The following PPOX variants were observed in gnomAD, a reference collection of about 807,000 sequenced individuals.
PPOX encodes the protein variegate porphyria.
Under a neutral mutation model 54.1 loss-of-function variants are expected in PPOX, and 23 were observed. The observed-to-expected ratio is 0.43, with a 90% CI of 0.31 to 0.60. The LOEUF (loss-of-function observed/expected upper bound fraction) is 0.60. Among genes scored for constraint, PPOX ranks in the 20% least tolerant of loss-of-function variants. The pLI is 0.13. For missense variants in PPOX, 512 were observed against 601.1 expected (o/e 0.85, Z 1.55); for synonymous variants, 224 against 236.1 (o/e 0.95, Z 0.47).
downstream of PPOX, chr1:161,172,359 G>T: frequency 6.3e-7 from 1 of 1,594,782 alleles, no homozygotes; most frequent in Non-Finnish European, 8.6e-7. Flanking sequence ...GTATCATGGG[G>T]GATCCAGAGT....
At chr1:161,176,837 GT>G in intron 4 of PPOX, 2 of 1,533,956 alleles carry the variant, frequency 1.3e-6, no homozygotes, top group Non-Finnish European at 1.7e-6. Context: ...TGGAAACATT[GT>G]TTTCCCCCAG....
At chr1:161,177,008 G>A in exon 5 of PPOX, 1 of 1,535,964 alleles carries the variant, frequency 6.5e-7, no homozygotes, top group East Asian at 2.4e-5. Flanking sequence ...GGCTGTAAGC[G>A]AACAGCCCCG....
intron 2 of PPOX, 64 bp from the exon 3 acceptor site, chr1:161,167,036 C>G: frequency 6.2e-7 from 1 of 1,613,574 alleles, no homozygotes; most frequent in Non-Finnish European, 8.5e-7. Flanking sequence ...CTCTTCCCCT[C>G]CCCTCCTGAC....
At chr1:161,176,751 T>C (rs1479647617) in intron 4 of PPOX, 2 of 924,364 alleles carry the variant, frequency 2.2e-6, no homozygotes, top group Non-Finnish European at 3.3e-6. Context: ...GAATGATAAG[T>C]GTCAGGTTCA....
chr1:161,168,102 T>C lies in PPOX; in HGVS notation c.446T>C (p.Phe149Ser). The change falls in exon 5 of 13, where the codon TTT becomes TCT. Residue 149 changes from phenylalanine to serine, a missense_variant. Physicochemically the swap from Phe to Ser is radical, Grantham distance 155. Transcript: ENST00000367999. ...GKEPDETVHS[F>S]AQRRLGPEVA... ...GAGCCTGATGAGACTGTGCACAGTT[T>C]TGCCCAGCGCCGCCTTGGACCTGAG... The C allele has an allele frequency of 6.2e-7, 1 of 1,614,140 alleles. No individual in the cohort carries two copies. Among genetic ancestry groups the C allele is most frequent in the Non-Finnish European group, 8.5e-7 (1 of 1,180,010 alleles).
upstream of PPOX, chr1:161,166,031 G>T: frequency 1.1e-6 from 1 of 949,210 alleles, no homozygotes; most frequent in Non-Finnish European, 1.3e-6. Flanking sequence ...CCTAGCTCCC[G>T]TAGGCCCGGT....
chr1:161,168,556 T>C lies in PPOX; in HGVS notation c.596T>C (p.Leu199Pro). 6.2e-7 allele frequency: 1 copy of C among 1,614,022 alleles called. No homozygotes were observed. Among genetic ancestry groups the C allele is most frequent in the Non-Finnish European group, 8.5e-7 (1 of 1,180,030 alleles). Residue 199 changes from leucine (L) to proline (P), a missense_variant, in exon 6 of 13, where the codon CTG (leucine) becomes CCG (proline). Physicochemically the swap from Leu to Pro is moderately conservative, Grantham distance 98. Coordinates refer to ENST00000367999, the MANE Select transcript of PPOX (RefSeq NM_001122764.3). ...GAGCAAACCCATCGTTCCATATTACTGGGCCTGCTGCTGGGGGCAGGTGAG... is the reference window on the plus strand; with the variant it reads ...GAGCAAACCCATCGTTCCATATTACCGGGCCTGCTGCTGGGGGCAGGTGAG... ...QAEQTHRSIL[L>P]GLLLGAGRTP...
chr1:161,173,988 C>G, downstream of PPOX: 2 of 1,614,128 alleles, frequency 1.2e-6, no homozygotes, highest in Non-Finnish European at 1.7e-6. Flanking sequence ...CTCTTCATCA[C>G]GCAGGGCCTC....
In PPOX at chr1:161,171,025, T is replaced by C. The variant is rs1380722939; in HGVS notation, c.1292-9T>C. 1 of 1,614,176 alleles carries C rather than the reference T, an allele frequency of 6.2e-7. No individual in the cohort carries two copies. Among genetic ancestry groups the C allele is most frequent in the Non-Finnish European group, 8.5e-7 (1 of 1,180,022 alleles). ...CAGCTAAAACATTCCTTTCATCCTTTCCTTCCAGAGTCAGCTAGGCAATTC... is the reference window on the plus strand; with the variant it reads ...CAGCTAAAACATTCCTTTCATCCTTCCCTTCCAGAGTCAGCTAGGCAATTC... On this transcript the variant is annotated splice_polypyrimidine_tract_variant and intron_variant, in intron 12 of 12. Transcript: ENST00000367999.
chr1:161,168,689 G>A (rs1660004635), intron 6 of PPOX, 113 bp downstream of exon 6: 16 of 1,400,868 alleles, frequency 1.1e-5, no homozygotes, highest in Non-Finnish European at 1.6e-5. Context: ...ACGGAGTCTT[G>A]CTCTGCTGCC....
downstream of PPOX, chr1:161,177,200 G>C (rs1276864009): frequency 1.1e-6 from 1 of 870,406 alleles, no homozygotes; most frequent in East Asian, 2.7e-5. Context: ...CTGTGGAGGG[G>C]GTTAAAACCC....
chr1:161,170,336 C>T (rs1363414244), intron 9 of PPOX, 73 bp from the exon 10 acceptor site: 1 of 807,386 alleles, frequency 1.2e-6, no homozygotes, highest in Non-Finnish European at 2.0e-6. Context: ...CCCACCCCCC[C>T]AAAAAAATGG....
chr1:161,171,242 C>T (rs1661334988), downstream of PPOX: 1 of 1,610,580 alleles, frequency 6.2e-7, no homozygotes. Context: ...GTTCTATCAC[C>T]TATAGGCATA....
intron 4 of PPOX, 71 bp downstream of exon 4, chr1:161,167,557 CTTTT>C (rs397731347): frequency 0.01 from 5,525 of 550,020 alleles, 2 homozygotes; most frequent in East Asian, 0.016. Context: ...TTCTTCTTTT[CTTTT>C]TTTTTTTTTT....
chr1:161,166,664 C>T lies in PPOX; in HGVS notation c.-17C>T. 2 of 1,493,222 alleles carry T rather than the reference C, an allele frequency of 1.3e-6. No individual in the cohort carries two copies. Among genetic ancestry groups the T allele is most frequent in the African/African-American group, 1.4e-5 (1 of 72,098 alleles). The allele number at this position is 1,493,222 out of a possible 1,614,324, so 92.5% of individuals were successfully genotyped here. A position where few individuals can be genotyped will look rare whatever the true frequency, so the allele number is the denominator to read the frequency against. On this transcript the variant is annotated 5_prime_UTR_variant, in exon 1 of 13. Transcript: ENST00000367999. ...CTCCCTCATTTTCTCTCATCCCTAC[C>T]TATTGTGGGTGAGTCCTGGCCCCTG... is the stretch of plus-strand genomic sequence containing the variant.
chr1:161,168,241 C>T lies in PPOX; in HGVS notation c.471+114C>T, dbSNP rs1436319061. ...GTATCATTTGGGGATGCCCTCTTCT[C>T]TTCATACCCCACCCCCTCATAATTC... On this transcript the variant is annotated intron_variant, in intron 5 of 12. Coordinates refer to ENST00000367999, the MANE Select transcript of PPOX (RefSeq NM_001122764.3). The T allele has an allele frequency of 3.2e-6, 5 of 1,559,984 alleles. No individual in the cohort carries two copies. In the East Asian group the frequency reaches 9.1e-5, roughly 28 times the overall value.
chr1:161,171,044 G>A lies in PPOX; in HGVS notation c.1302G>A (p.Arg434=). ...LGHWQKLESA[R]QFLTAHRLPL... is the part of the protein sequence containing the mutation. ...ATCCTTTCCTTCCAGAGTCAGCTAG[G>A]CAATTCCTGACTGCTCACAGGTTGC... Residue 434 remains arginine, a synonymous_variant, in exon 13 of 13, where the codon AGG becomes AGA. Transcript: ENST00000367999. 1 of 1,614,184 alleles carries A rather than the reference G, an allele frequency of 6.2e-7. No homozygotes were observed. Among genetic ancestry groups the A allele is most frequent in the South Asian group, 1.1e-5 (1 of 91,088 alleles).
At chr1:161,168,321 T>C (rs1659849183) in intron 5 of PPOX, 111 bp from the exon 6 acceptor site, 9 of 1,574,916 alleles carry the variant, frequency 5.7e-6, no homozygotes, top group Non-Finnish European at 7.0e-6. Flanking sequence ...ACAGTGGGAA[T>C]GTCCCCCAAC....
At chr1:161,167,785 G>A in intron 4 of PPOX, 2 of 799,850 alleles carry the variant, frequency 2.5e-6, no homozygotes, top group Non-Finnish European at 2.0e-6. Context: ...GGCTGGTCTT[G>A]AACTCCTGAC....
Sources: allele counts gnomAD v4.1 joint callset, GRCh38; gene constraint gnomAD v4.1.1; transcripts MANE v1.5; gene names NCBI Gene and HGNC (gene_info 2026-07-23, HGNC 2026-07-21).